RPTOR: variants seen among roughly 807,000 people sequenced by gnomAD.
RPTOR encodes the protein regulatory associated protein of MTOR complex 1, also known as regulatory-associated protein of mTOR.
Under a neutral mutation model 169.9 loss-of-function variants are expected in RPTOR, and 21 were observed. The ratio of observed to expected loss-of-function variants is 0.12; its 90% confidence interval spans 0.09 to 0.18. The LOEUF is 0.18. Ranked by LOEUF, RPTOR falls within the 10% of genes least tolerant of loss-of-function variation. The pLI, the probability that RPTOR is intolerant of heterozygous loss-of-function variation, is 1.00. For missense variants in RPTOR, 1,133 were observed against 1,855.9 expected (o/e 0.61, Z 7.16); for synonymous variants, 732 against 753.2 (o/e 0.97, Z 0.46).
At chr17:80,658,301 G>A (rs2065695271) in intron 3 of RPTOR, among the ~76,000 whole-genome samples, 1 of 152,152 alleles carries the variant, frequency 6.6e-6, no homozygotes. Context: ...CTTTTAGGGT[G>A]AGGCTGCCAA....
At chr17:80,737,165 AG>A (rs1220034152) in intron 5 of RPTOR, among the ~76,000 whole-genome samples, 2 of 151,640 alleles carry the variant, frequency 1.3e-5, no homozygotes, top group East Asian at 3.9e-4. Context: ...GTCATACTGG[AG>A]GTATGTGGTG....
intron 2 of RPTOR, among the ~76,000 whole-genome samples, chr17:80,627,935 T>C (rs1184022756): frequency 1.3e-5 from 2 of 149,828 alleles, no homozygotes; most frequent in Admixed American, 1.3e-4. Flanking sequence ...GCCTCCCGGG[T>C]TCAAGCGATT....
chr17:80,564,925 T>G (rs938046854), intron 1 of RPTOR, among the ~76,000 whole-genome samples: 1 of 152,236 alleles, frequency 6.6e-6, no homozygotes, highest in African/African-American at 2.4e-5. Flanking sequence ...TCTTATTTTT[T>G]TGTGTGGCTG....
In RPTOR at chr17:80,646,383, A is replaced by G. The variant is rs1159781752; in HGVS notation, c.348+2573A>G. On this transcript the variant is annotated intron_variant, in intron 3 of 33. Coordinates refer to ENST00000306801, the MANE Select transcript of RPTOR (RefSeq NM_020761.3). The surrounding 1 kb of genome is among the most constrained non-coding windows in gnomAD (Gnocchi z 5.0). ...GCTGTGCCATATGCACTGGGTAATA[A>G]TAGCACTTGCCCCGGTGCGCGTGGC... is the stretch of plus-strand genomic sequence containing the variant. Among the ~76,000 whole-genome samples, 1 of 152,176 alleles carries G rather than the reference A, an allele frequency of 6.6e-6. No individual in the cohort carries two copies. The highest frequency in any genetic ancestry group is 1.9e-4 in the East Asian group (1 of 5,202).
intron 24 of RPTOR, among the ~76,000 whole-genome samples, chr17:80,927,190 C>T (rs1169864839): frequency 6.6e-6 from 1 of 152,196 alleles, no homozygotes; most frequent in Non-Finnish European, 1.5e-5. Context: ...GGTGCCAGGC[C>T]GTCCTCTAGA....
intron 24 of RPTOR, among the ~76,000 whole-genome samples, chr17:80,926,628 A>G (rs1382349753): frequency 6.6e-6 from 1 of 152,264 alleles, no homozygotes; most frequent in African/African-American, 2.4e-5. Flanking sequence ...AAAGTTAAAC[A>G]TTAAAAATAG....
Position 80,892,735 on chromosome 17 carries a change from G to T in RPTOR, c.2108G>T (p.Gly703Val). The change falls in exon 19 of 34, where the codon GGG (glycine) becomes GTG (valine). Residue 703 changes from glycine (G) to valine (V), a missense_variant. This residue lies in a region of RPTOR where 150 missense variants were observed against 206.4 expected (regional missense o/e 0.73). Coordinates refer to ENST00000306801, the MANE Select transcript of RPTOR (RefSeq NM_020761.3). ...CTTTCTCCTTCTTTCCCAGAGGGAG[G>T]GAGTTTGACCCCAGTGCGAGACAGC... is the stretch of plus-strand genomic sequence containing the variant. ...ALPSPATTEG[G>V]SLTPVRDSPC... 1 of 1,613,558 alleles carries T rather than the reference G, an allele frequency of 6.2e-7. No individual in the cohort carries two copies. Among genetic ancestry groups the T allele is most frequent in the African/African-American group, 1.3e-5 (1 of 75,032 alleles).
At chr17:80,549,258 A>G (rs1599539600) in intron 1 of RPTOR, among the ~76,000 whole-genome samples, 3 of 152,226 alleles carry the variant, frequency 2.0e-5, no homozygotes, top group East Asian at 1.9e-4. Context: ...ATATGTATCC[A>G]TAGTGTTTTT....
At chr17:80,859,931 C>A (rs1401835116) in intron 13 of RPTOR, among the ~76,000 whole-genome samples, 4 of 152,218 alleles carry the variant, frequency 2.6e-5, no homozygotes, top group Admixed American at 2.6e-4. Flanking sequence ...CCCACTGGGC[C>A]CCTGCGCCGG....
intron 1 of RPTOR, among the ~76,000 whole-genome samples, chr17:80,567,716 C>T (rs1038260604): frequency 7.3e-5 from 11 of 151,506 alleles, no homozygotes; most frequent in Middle Eastern, 3.2e-3. Context: ...TGCTTGAACC[C>T]GGGAGGCGGA....
chr17:80,865,995 TAGAAAC>T (rs1359805476), intron 13 of RPTOR, among the ~76,000 whole-genome samples: 7 of 152,146 alleles, frequency 4.6e-5, no homozygotes, highest in East Asian at 1.9e-4. Flanking sequence ...TCTAAGCACT[TAGAAAC>T]AGAAACTTTT....
At chr17:80,714,849 A>G (rs947928611) in intron 4 of RPTOR, among the ~76,000 whole-genome samples, 5 of 152,124 alleles carry the variant, frequency 3.3e-5, no homozygotes, top group African/African-American at 1.2e-4. Flanking sequence ...TCAGCCTCCC[A>G]AGTGGCTGGG....
At chr17:80,799,606 G>A (rs534709502) in intron 7 of RPTOR, among the ~76,000 whole-genome samples, 7 of 152,306 alleles carry the variant, frequency 4.6e-5, no homozygotes, top group African/African-American at 9.6e-5. Flanking sequence ...GACGAGTCAC[G>A]TGACGCAAGG....
rs566953030 is a variant in RPTOR at position 80,960,720 on chromosome 17, A to C, written c.3605+515A>C. The stretch of plus-strand genomic sequence containing the variant: ...CAGAGGACAGGGTACACGCATGGGC[A>C]CAGCAGCCCTGGGCACTGCCTCCAC... On this transcript the variant is annotated intron_variant, in intron 30 of 33. Transcript: ENST00000306801. This position sits in a 1 kb window ranked among gnomAD's most constrained non-coding sequence, Gnocchi z 4.8. 242 of 179,292 alleles carry C rather than the reference A, an allele frequency of 1.3e-3. 1 individual carries two copies. The highest frequency in any genetic ancestry group is 5.2e-3 in the African/African-American group (221 of 42,800). 11.1% of individuals were successfully genotyped at this position (179,292 alleles called of 1,614,324 possible). A position where few individuals can be genotyped will look rare whatever the true frequency, so the allele number is the denominator to read the frequency against.
intron 3 of RPTOR, among the ~76,000 whole-genome samples, chr17:80,655,675 A>C (rs140306049): frequency 1.3e-5 from 2 of 151,958 alleles, no homozygotes; most frequent in East Asian, 3.9e-4. Context: ...CCTGGGCTGA[A>C]GTGATCCTCC....
At chr17:80,859,686 T>A (rs917421620) in intron 13 of RPTOR, among the ~76,000 whole-genome samples, 5 of 152,174 alleles carry the variant, frequency 3.3e-5, no homozygotes, top group African/African-American at 1.2e-4. Flanking sequence ...CAGGTCCACG[T>A]TCCCCCCGGA....
intron 1 of RPTOR, among the ~76,000 whole-genome samples, chr17:80,576,502 A>C (rs532719599): frequency 1.3e-5 from 2 of 152,218 alleles, no homozygotes; most frequent in Admixed American, 1.3e-4. Flanking sequence ...TTAACATCCC[A>C]AGTTACCATC....
rs1331309131 is a variant in RPTOR at position 80,857,778 on chromosome 17, C to T, written c.1399-12C>T. The T allele has an allele frequency of 6.2e-7, 1 of 1,600,436 alleles. No individual in the cohort carries two copies. Among genetic ancestry groups the T allele is most frequent in the African/African-American group, 1.3e-5 (1 of 74,910 alleles). On this transcript the variant is annotated splice_polypyrimidine_tract_variant and intron_variant, in intron 12 of 33. Transcript: ENST00000306801. The stretch of plus-strand genomic sequence containing the variant: ...GCGGCACAGGTGCGCTGACGCCCTC[C>T]CTCGCCCCCAGGCCTTGTCTGTCGG...
At chr17:80,673,854 C>T (rs1051966192) in intron 3 of RPTOR, among the ~76,000 whole-genome samples, 8 of 152,156 alleles carry the variant, frequency 5.3e-5, no homozygotes, top group African/African-American at 7.2e-5. Context: ...ATTGTGTAAG[C>T]GCGATGGAGA....
Sources: gnomAD v4.1 joint callset for allele counts (sites outside exome capture counted in the v4.1 genomes callset) on GRCh38, gnomAD v4.1.1 for gene constraint, gnomAD v4.1.1 regional missense constraint, Gnocchi (gnomAD v3.1) non-coding constraint, MANE v1.5 for transcripts, NCBI Gene and HGNC (gene_info 2026-07-23, HGNC 2026-07-21) for gene names.